Variants in MMRN1 observed in about 807,000 individuals in gnomAD.
MMRN1 encodes multimerin-1.
A neutral mutation model predicts 100.7 loss-of-function variants in MMRN1; 94 were observed. That is an observed-to-expected ratio of 0.93 (90% confidence interval 0.79 to 1.11). The LOEUF (loss-of-function observed/expected upper bound fraction) is 1.11, where lower values mean the gene tolerates loss of function less well. Among genes scored for constraint, MMRN1 ranks in the 50% least tolerant of loss-of-function variants. The pLI is 0.00. For missense variants in MMRN1, 1,606 were observed against 1,439.1 expected (o/e 1.12, Z -1.88); for synonymous variants, 575 against 505.0 (o/e 1.14, Z -1.86).
chr4:89,905,719 T>C (rs1485887456), intron 1 of MMRN1, among the ~76,000 whole-genome samples: 1 of 151,536 alleles, frequency 6.6e-6, no homozygotes. Context: ...ACAAAGGTCA[T>C]TCAATCCATA....
chr4:89,884,886 C>T (rs1388549335), intron 1 of MMRN1, among the ~76,000 whole-genome samples: 1 of 152,082 alleles, frequency 6.6e-6, no homozygotes, highest in Non-Finnish European at 1.5e-5. Flanking sequence ...ATTGCATCAG[C>T]TAGGATTTTC....
At chr4:89,890,033 C>A (rs1004974383), upstream of MMRN1, among the ~76,000 whole-genome samples, 1 of 151,860 alleles carries the variant, frequency 6.6e-6, no homozygotes, top group East Asian at 1.9e-4. Flanking sequence ...TCTTTTCACT[C>A]AGCTTTTGGA....
chr4:89,950,317 G>C (rs1458191899), intron 6 of MMRN1, among the ~76,000 whole-genome samples: 1 of 152,040 alleles, frequency 6.6e-6, no homozygotes, highest in Non-Finnish European at 1.5e-5. Flanking sequence ...AATTGTCTTT[G>C]TGCACATGGA....
intron 1 of MMRN1, among the ~76,000 whole-genome samples, chr4:89,896,040 G>A (rs758908973): frequency 3.3e-5 from 5 of 152,142 alleles, no homozygotes; most frequent in East Asian, 1.9e-4. Flanking sequence ...GTCAAAGATC[G>A]AAACAAGCAC....
intron 1 of MMRN1, among the ~76,000 whole-genome samples, chr4:89,905,715 G>C (rs1176843183): frequency 1.3e-5 from 2 of 151,460 alleles, no homozygotes; most frequent in Non-Finnish European, 3.0e-5. Flanking sequence ...GGAAACAAAG[G>C]TCATTCAATC....
intron 6 of MMRN1, among the ~76,000 whole-genome samples, chr4:89,943,690 A>T (rs1383907816): frequency 6.6e-6 from 1 of 152,152 alleles, no homozygotes; most frequent in East Asian, 1.9e-4. Flanking sequence ...TTTTTGTTCT[A>T]GAAGAATTTG....
rs147345756 is a variant in MMRN1 at position 89,931,054 on chromosome 4, G to T, written c.1129+3086G>T. 3.1e-3 allele frequency among the ~76,000 whole-genome samples: 466 copies of T among 151,934 alleles called. 4 individuals carry two copies. The highest frequency in any genetic ancestry group is 0.011 in the African/African-American group (450 of 41,476). ...ATTACTATTCTATATTTCATGTTTT[G>T]TTTTCTTTTTTCCATTACATACAAA... On this transcript the variant is annotated intron_variant, in intron 5 of 7. Transcript: ENST00000264790.
intron 1 of MMRN1, 55 bp from the exon 2 acceptor site, chr4:89,909,221 A>G (rs1553922756): frequency 6.5e-7 from 1 of 1,541,466 alleles, no homozygotes; most frequent in East Asian, 2.3e-5. Context: ...AATTTTGATG[A>G]AAAGAATTCT....
chr4:89,895,214 A>C lies in MMRN1; in HGVS notation c.243A>C (p.Ser81=), dbSNP rs746269807. The change falls in exon 1 of 8, where the codon TCA becomes TCC. Residue 81 remains serine (S), a synonymous_variant. Transcript: ENST00000264790. ...CTTCTGAAGACAGTCTTCTTAAATC[A>C]ACACTGCCTCCCTCAGAAACAAGTG... ...ARTSEDSLLK[S]TLPPSETSAP... is the part of the protein sequence containing the mutation. The C allele has an allele frequency of 6.2e-6, 10 of 1,613,844 alleles. No individual in the cohort carries two copies. Among genetic ancestry groups the C allele is most frequent in the Non-Finnish European group, 8.5e-6 (10 of 1,179,930 alleles).
chr4:89,886,950 T>C (rs1418903290), intron 1 of MMRN1, among the ~76,000 whole-genome samples: 1 of 152,118 alleles, frequency 6.6e-6, no homozygotes, highest in Non-Finnish European at 1.5e-5. Context: ...CCTTATATCT[T>C]ATTTCTGCCA....
chr4:89,893,042 T>A (rs567964015), upstream of MMRN1, among the ~76,000 whole-genome samples: 127 of 152,122 alleles, frequency 8.3e-4, 1 homozygote, highest in Admixed American at 6.6e-3. Context: ...CCAAAGCTAG[T>A]TTCTTCTGTG....
chr4:89,899,623 C>A (rs1721318150), intron 1 of MMRN1, among the ~76,000 whole-genome samples: 1 of 152,104 alleles, frequency 6.6e-6, no homozygotes, highest in African/African-American at 2.4e-5. Context: ...GGTAATGATA[C>A]AATCTAACTG....
chr4:89,895,509 CGGG>C lies in MMRN1; in HGVS notation c.539_541del (p.Arg180_Glu181delinsGln). 2 of 1,613,724 alleles carry C rather than the reference CGGG, an allele frequency of 1.2e-6. No individual in the cohort carries two copies. Among genetic ancestry groups the C allele is most frequent in the Non-Finnish European group, 1.7e-6 (2 of 1,179,876 alleles). On this transcript the variant is annotated inframe_deletion, in exon 1 of 8. Transcript: ENST00000264790. ...TGGAGGCGTGGGAAATCGAGCCCCACGGGAAACATACCTCAGCCGGGGTGACAG... is the reference window on the plus strand; with the variant it reads ...TGGAGGCGTGGGAAATCGAGCCCCACAAACATACCTCAGCCGGGGTGACAG...
At chr4:89,890,502 GTCTTAT>G (rs1721031434), upstream of MMRN1, among the ~76,000 whole-genome samples, 1 of 151,998 alleles carries the variant, frequency 6.6e-6, no homozygotes. Flanking sequence ...ACTCTTCAGA[GTCTTAT>G]TCTATTTTTT....
Position 89,953,161 on chromosome 4 carries a change from GTA to G in MMRN1, c.3434_3435del (p.Tyr1145CysfsTer10). The G allele has an allele frequency of 6.2e-7, 1 of 1,613,836 alleles. No individual in the cohort carries two copies. The highest frequency in any genetic ancestry group is 8.5e-7 in the Non-Finnish European group (1 of 1,179,858). ...TGKFRIPYLG[V>X]YVFKYTIESF... ...AAAATTTAGAATTCCGTATCTTGGAGTATATGTTTTCAAGTACACCATCGAGT... is the reference window on the plus strand; with the variant it reads ...AAAATTTAGAATTCCGTATCTTGGAGTATGTTTTCAAGTACACCATCGAGT... On this transcript the variant is annotated frameshift_variant, in exon 8 of 8. Coordinates refer to ENST00000264790, the MANE Select transcript of MMRN1 (RefSeq NM_007351.3). LOFTEE classifies it high-confidence loss of function.
At chr4:89,894,357 A>G (rs898242326), upstream of MMRN1, among the ~76,000 whole-genome samples, 3 of 152,186 alleles carry the variant, frequency 2.0e-5, no homozygotes, top group African/African-American at 7.2e-5. Flanking sequence ...ATATACATGT[A>G]TGTAGATAGA....
intron 1 of MMRN1, among the ~76,000 whole-genome samples, chr4:89,882,615 G>A (rs963650995): frequency 1.5e-4 from 22 of 151,018 alleles, no homozygotes; most frequent in African/African-American, 4.2e-4. Flanking sequence ...GTAGATAATC[G>A]CTGCTGTCCA....
chr4:89,920,382 G>T (rs1394855669), intron 3 of MMRN1, among the ~76,000 whole-genome samples: 1 of 152,074 alleles, frequency 6.6e-6, no homozygotes, highest in Non-Finnish European at 1.5e-5. Flanking sequence ...CTGTAGATTT[G>T]ATTGCTGTGA....
At position 89,909,334 on chromosome 4, in the gene MMRN1, G is replaced by T. The variant is rs143124753; in HGVS notation, c.682G>T (p.Val228Phe). 1.1e-5 allele frequency: 17 copies of T among 1,609,958 alleles called. No individual in the cohort carries two copies. In the East Asian group the frequency reaches 3.4e-4, roughly 32 times the overall value. Residue 228 changes from valine (V) to phenylalanine (F), a missense_variant, in exon 2 of 8, where the codon GTC becomes TTC. Coordinates refer to ENST00000264790, the MANE Select transcript of MMRN1 (RefSeq NM_007351.3). ...LSPTVILDNQVTYVPGGKGPC... is the reference protein window; with the variant it reads ...LSPTVILDNQFTYVPGGKGPC... ...TCCCACAGTGATATTGGACAACCAG[G>T]TCACTTATGTCCCAGGTGGGAAAGG... is the stretch of plus-strand genomic sequence containing the variant.
Sources: allele counts gnomAD v4.1 joint callset (sites outside exome capture counted in the v4.1 genomes callset), GRCh38; gene constraint gnomAD v4.1.1; transcripts MANE v1.5; gene names NCBI Gene and HGNC (gene_info 2026-07-23, HGNC 2026-07-21).